Variants in DNM1 observed in about 807,000 individuals in gnomAD.
The protein encoded by DNM1 is dynamin 1.
Under a neutral mutation model 104.6 loss-of-function variants are expected in DNM1, and 29 were observed. The ratio of observed to expected loss-of-function variants is 0.28; its 90% CI spans 0.21 to 0.38. DNM1 has a LOEUF of 0.38. Ranked by LOEUF, DNM1 falls within the 10% of genes least tolerant of loss-of-function variation. The pLI is 1.00. For missense variants in DNM1, 640 were observed against 1,189.4 expected, an observed-to-expected ratio of 0.54 and a Z score of 6.79; for synonymous variants, 445 against 475.8, an observed-to-expected ratio of 0.94 and a Z score of 0.84.
At chr9:128,246,251 C>T (rs2131283162) in intron 15 of DNM1, 143 bp from the exon 16 acceptor site, 1 of 655,056 alleles carries the variant, frequency 1.5e-6, no homozygotes. Context: ...CGGTCCGTGG[C>T]CAGGCTTTTA....
intron 15 of DNM1, 57 bp from the exon 16 acceptor site, chr9:128,246,337 G>A: frequency 8.5e-7 from 1 of 1,181,292 alleles, no homozygotes; most frequent in Non-Finnish European, 1.3e-6. Flanking sequence ...CTTAGAGAGT[G>A]AGGTGTGGCA....
rs1350312607 is a variant in DNM1 at position 128,220,676 on chromosome 9, G to A, written c.849+335G>A. On this transcript the variant is annotated intron_variant, in intron 6 of 21. Transcript: ENST00000372923. The surrounding 1 kb of genome is among the most constrained non-coding windows in gnomAD (Gnocchi z 5.2). ...CTGAAGACCTTGACAGGGAATCCCAGGGGCTTCCCCAGGACTTTTCTCCAT... is the reference window on the plus strand; with the variant it reads ...CTGAAGACCTTGACAGGGAATCCCAAGGGCTTCCCCAGGACTTTTCTCCAT... 1.3e-5 allele frequency among the ~76,000 whole-genome samples: 2 copies of A among 148,992 alleles called. No homozygotes were observed. Among genetic ancestry groups the A allele is most frequent in the Non-Finnish European group, 3.0e-5 (2 of 66,984 alleles).
intron 11 of DNM1, among the ~76,000 whole-genome samples, chr9:128,237,981 C>T (rs1003405300): frequency 2.0e-5 from 3 of 151,902 alleles, no homozygotes; most frequent in African/African-American, 7.3e-5. Flanking sequence ...CTCCATGTTT[C>T]CCAGGTTGGT....
chr9:128,226,107 C>T (rs1011290839), intron 10 of DNM1: 2 of 1,612,832 alleles, frequency 1.2e-6, no homozygotes, highest in East Asian at 2.2e-5. Flanking sequence ...TCAAAGAGCC[C>T]AGTATCAAGT....
intron 1 of DNM1, among the ~76,000 whole-genome samples, chr9:128,207,713 A>G (rs1834051572): frequency 6.6e-6 from 1 of 152,200 alleles, no homozygotes; most frequent in South Asian, 2.1e-4. Context: ...GGATAATAAT[A>G]GCACATCCCT....
In DNM1 at chr9:128,240,018, C is replaced by G. The variant is rs200435992; in HGVS notation, c.1557+22C>G. On this transcript the variant is annotated intron_variant, in intron 14 of 21. Coordinates refer to ENST00000372923, the MANE Select transcript of DNM1 (RefSeq NM_004408.4). The surrounding 1 kb of genome is among the most constrained non-coding windows in gnomAD (Gnocchi z 5.1). ...TCTGGTGAGTACCAGGACTGGGGCT[C>G]TCGGCTTGTGTAGTGAGGGGGCGGA... is the stretch of plus-strand genomic sequence containing the variant. 5.9e-5 allele frequency: 96 copies of G among 1,613,978 alleles called. No individual in the cohort carries two copies. Among genetic ancestry groups the G allele is most frequent in the Admixed American group, 8.3e-5 (5 of 59,994 alleles).
At chr9:128,242,140 G>C (rs1486283081) in intron 14 of DNM1, 92 bp from the exon 15 acceptor site, 3 of 742,194 alleles carry the variant, frequency 4.0e-6, no homozygotes, top group Non-Finnish European at 7.2e-6. Flanking sequence ...CTGGGAGAGG[G>C]GTGGGGTTTC....
chr9:128,251,067 C>T (rs1829488050), intron 21 of DNM1, 127 bp downstream of exon 21: 2 of 711,802 alleles, frequency 2.8e-6, no homozygotes, highest in African/African-American at 3.6e-5. Context: ...GGCAATCGGA[C>T]TCTGGGTGCC....
chr9:128,224,949 G>A lies in DNM1; in HGVS notation c.1335+560G>A, dbSNP rs1256876659. 6.6e-6 allele frequency among the ~76,000 whole-genome samples: 1 copy of A among 152,070 alleles called. No homozygotes were observed. The highest frequency in any genetic ancestry group is 6.5e-5 in the Admixed American group (1 of 15,270). On this transcript the variant is annotated intron_variant, in intron 10 of 21. Transcript: ENST00000372923. This position sits in a 1 kb window ranked among gnomAD's most constrained non-coding sequence, Gnocchi z 4.3. Reference sequence around the variant, plus strand: ...TGCTCACGTAAGACCCTCACTCAGGGCCTCTCCCTCCCTTCCATCCACATC... The same window carrying A: ...TGCTCACGTAAGACCCTCACTCAGGACCTCTCCCTCCCTTCCATCCACATC...
chr9:128,221,882 G>C (rs1325284126), intron 6 of DNM1, among the ~76,000 whole-genome samples: 1 of 152,030 alleles, frequency 6.6e-6, no homozygotes, highest in Non-Finnish European at 1.5e-5. Flanking sequence ...CCTGGGTGAC[G>C]AGTGAAACTC....
In DNM1 at chr9:128,245,957, G is replaced by A. The variant is rs1204290875; in HGVS notation, c.1672-437G>A. Among the ~76,000 whole-genome samples, 1 of 152,262 alleles carries A rather than the reference G, an allele frequency of 6.6e-6. No homozygotes were observed. Among genetic ancestry groups the A allele is most frequent in the Non-Finnish European group, 1.5e-5 (1 of 68,038 alleles). On this transcript the variant is annotated intron_variant, in intron 15 of 21. Transcript: ENST00000372923. The surrounding 1 kb of genome is among the most constrained non-coding windows in gnomAD (Gnocchi z 5.2). ...TTGCTAACACATGGGGAGCTCGGGG[G>A]AGTGGGCTGAGCCGGCCCTTTGAAG... is the stretch of plus-strand genomic sequence containing the variant.
chr9:128,221,685 CA>C lies in DNM1; in HGVS notation c.850-508del, dbSNP rs1319183623. ...CTGAGGCGGGTGGATCACTTGAGGC[CA>C]AAAGTTCGACACCAGCCTGGCCAAC... On this transcript the variant is annotated intron_variant, in intron 6 of 21. Transcript: ENST00000372923. Among the ~76,000 whole-genome samples, 12 of 152,042 alleles carry C rather than the reference CA, an allele frequency of 7.9e-5. 1 individual carries two copies. In the South Asian group the frequency reaches 2.5e-3, roughly 32 times the overall value.
At chr9:128,233,690 C>G (rs1369773135) in intron 10 of DNM1, 1 of 386,512 alleles carries the variant, frequency 2.6e-6, no homozygotes, top group African/African-American at 2.1e-5. Context: ...GAGGCCTTAA[C>G]CTAACCAGTC....
In DNM1 at chr9:128,248,547, C is replaced by T. The variant is rs746782280; in HGVS notation, c.1906-36C>T. On this transcript the variant is annotated intron_variant, in intron 18 of 21. Transcript: ENST00000372923. This position sits in a 1 kb window ranked among gnomAD's most constrained non-coding sequence, Gnocchi z 5.6. ...GGATGCCTGGAGCCTGGCTGCATGGCCTGGCCACCTGATGCCCTTGTGTTC... is the reference window on the plus strand; with the variant it reads ...GGATGCCTGGAGCCTGGCTGCATGGTCTGGCCACCTGATGCCCTTGTGTTC... The T allele has an allele frequency of 2.5e-6, 4 of 1,600,214 alleles. No homozygotes were observed. The Admixed American group carries it at 6.7e-5, about 27-fold the overall frequency.
In DNM1 at chr9:128,245,426, AC is replaced by A. The variant is rs1315250037; in HGVS notation, c.1672-967del. ...CCCGTGAACAAGTAGGGCATGGGTG[AC>A]AAAAACCCCTCCCCTCTCCCAGAGC... On this transcript the variant is annotated intron_variant, in intron 15 of 21. Transcript: ENST00000372923. This position sits in a 1 kb window ranked among gnomAD's most constrained non-coding sequence, Gnocchi z 5.2. Among the ~76,000 whole-genome samples the A allele has an allele frequency of 6.6e-6, 1 of 151,524 alleles. No individual in the cohort carries two copies. The highest frequency in any genetic ancestry group is 6.6e-5 in the Admixed American group (1 of 15,230).
At chr9:128,237,862 A>G (rs1486794106) in intron 11 of DNM1, among the ~76,000 whole-genome samples, 1 of 150,802 alleles carries the variant, frequency 6.6e-6, no homozygotes, top group Non-Finnish European at 1.5e-5. Flanking sequence ...CAACCTCTGC[A>G]TCCCTGGGCT....
chr9:128,239,267 G>A (rs1185696223), intron 11 of DNM1, among the ~76,000 whole-genome samples, 178 bp from the exon 12 acceptor site: 1 of 152,176 alleles, frequency 6.6e-6, no homozygotes, highest in Non-Finnish European at 1.5e-5. Context: ...CAAAGTGCTG[G>A]GATCACAGGT....
intron 1 of DNM1, among the ~76,000 whole-genome samples, chr9:128,206,955 G>C (rs971257144): frequency 6.6e-6 from 1 of 152,062 alleles, no homozygotes; most frequent in African/African-American, 2.4e-5. Context: ...AGGGGGTAGT[G>C]GGGGGCCTGG....
chr9:128,239,989 A>T lies in DNM1; in HGVS notation c.1550A>T (p.Glu517Val). Reference protein sequence around the residue: ...NKKKTSGNQDEILVIRKGWLT... With the variant: ...NKKKTSGNQDVILVIRKGWLT... The stretch of plus-strand genomic sequence containing the variant: ...GCTATGGTTACCTCTTTGCAGGATG[A>T]GATTCTGGTGAGTACCAGGACTGGG... Residue 517 changes from glutamate (E) to valine (V), a missense_variant, in exon 14 of 22, where the codon GAG becomes GTG. By Grantham distance (121) the Glu-to-Val change is moderately radical (BLOSUM62 -2). This residue lies in a region of DNM1 where 91 missense variants were observed against 256.3 expected (regional missense o/e 0.36). Coordinates refer to ENST00000372923, the MANE Select transcript of DNM1 (RefSeq NM_004408.4). 6.2e-7 allele frequency: 1 copy of T among 1,614,038 alleles called. No homozygotes were observed. The highest frequency in any genetic ancestry group is 8.5e-7 in the Non-Finnish European group (1 of 1,180,000).
Sources: gnomAD v4.1 joint callset for allele counts (sites outside exome capture counted in the v4.1 genomes callset) on GRCh38, gnomAD v4.1.1 for gene constraint, gnomAD v4.1.1 regional missense constraint, Gnocchi (gnomAD v3.1) non-coding constraint, MANE v1.5 for transcripts, NCBI Gene and HGNC (gene_info 2026-07-23, HGNC 2026-07-21) for gene names.